The following RPAP3 variants were observed in gnomAD, a reference collection of about 807,000 sequenced individuals.
RPAP3 encodes the protein RNA polymerase II associated protein 3, also known as RNA polymerase II-associated protein 3.
In RPAP3, 58 loss-of-function variants were observed where a neutral mutation model predicts 88.8. The ratio of observed to expected loss-of-function variants is 0.65; its 90% CI spans 0.53 to 0.81. The LOEUF (loss-of-function observed/expected upper bound fraction) is 0.81. Among genes scored for constraint, RPAP3 ranks in the 40% least tolerant of loss-of-function variants. The probability of loss-of-function intolerance (pLI) is 0.00; values close to 1 mark genes in which losing one functional copy is unlikely to be tolerated. For missense variants in RPAP3, 751 were observed against 764.3 expected, an observed-to-expected ratio of 0.98 and a Z score of 0.20; for synonymous variants, 255 against 259.9, an observed-to-expected ratio of 0.98 and a Z score of 0.18.
chr12:47,685,766 A>C (rs1939310583), intron 9 of RPAP3, among the ~76,000 whole-genome samples: 1 of 152,132 alleles, frequency 6.6e-6, no homozygotes, highest in Admixed American at 6.5e-5. Flanking sequence ...TTTAACATTA[A>C]CTTGTCTGTA....
intron 12 of RPAP3, among the ~76,000 whole-genome samples, chr12:47,672,524 A>C (rs554742030): frequency 6.4e-4 from 97 of 152,378 alleles, no homozygotes; most frequent in African/African-American, 2.2e-3. Flanking sequence ...CGCAGGGATT[A>C]ACTAACTTGC....
At chr12:47,683,014 A>T (rs1939255573) in intron 9 of RPAP3, among the ~76,000 whole-genome samples, 1 of 152,184 alleles carries the variant, frequency 6.6e-6, no homozygotes, top group Non-Finnish European at 1.5e-5. Flanking sequence ...CTGCAATAAC[A>T]GCCATAATAC....
At chr12:47,666,731 C>T (rs1309404150) in intron 16 of RPAP3, among the ~76,000 whole-genome samples, 1 of 152,160 alleles carries the variant, frequency 6.6e-6, no homozygotes, top group Non-Finnish European at 1.5e-5. Flanking sequence ...GTTTCCTCCT[C>T]TGTAAAAGGA....
At chr12:47,667,148 A>G (rs1938892038) in intron 15 of RPAP3, 68 bp from the exon 16 acceptor site, 1 of 633,622 alleles carries the variant, frequency 1.6e-6, no homozygotes, top group African/African-American at 1.9e-5. Context: ...AATTCTGTTT[A>G]CTAACACAAT....
intron 10 of RPAP3, 93 bp from the exon 11 acceptor site, chr12:47,679,867 A>C: frequency 1.1e-6 from 1 of 880,342 alleles, no homozygotes; most frequent in Non-Finnish European, 1.8e-6. Flanking sequence ...GTTAGTAATC[A>C]CATTTTTAGC....
intron 12 of RPAP3, among the ~76,000 whole-genome samples, chr12:47,671,158 C>T (rs770006967): frequency 6.6e-6 from 1 of 152,006 alleles, no homozygotes; most frequent in Non-Finnish European, 1.5e-5. Flanking sequence ...ATATGTATAT[C>T]TAATAAAATA....
At chr12:47,690,804 C>A (rs1417608022) in intron 5 of RPAP3, among the ~76,000 whole-genome samples, 165 bp from the exon 6 acceptor site, 1 of 152,170 alleles carries the variant, frequency 6.6e-6, no homozygotes, top group Non-Finnish European at 1.5e-5. Flanking sequence ...AGCAATACTG[C>A]CATTGCTCAA....
At chr12:47,664,392 AAAAT>A (rs565937976) in intron 16 of RPAP3, among the ~76,000 whole-genome samples, 8 of 152,234 alleles carry the variant, frequency 5.3e-5, no homozygotes, top group African/African-American at 1.2e-4. Context: ...TCCATCTCAA[AAAAT>A]AAATAAATAA....
chr12:47,687,303 C>A (rs1939345452), intron 8 of RPAP3, among the ~76,000 whole-genome samples: 1 of 151,994 alleles, frequency 6.6e-6, no homozygotes, highest in South Asian at 2.1e-4. Flanking sequence ...GAATACAGTA[C>A]CAGAATTATA....
intron 16 of RPAP3, among the ~76,000 whole-genome samples, chr12:47,665,485 TA>T (rs1389935025): frequency 3.3e-5 from 5 of 151,518 alleles, no homozygotes; most frequent in Non-Finnish European, 7.4e-5. Flanking sequence ...AAAATAGTGG[TA>T]AAAGATGAGG....
intron 3 of RPAP3, 70 bp from the exon 4 acceptor site, chr12:47,697,789 T>A: frequency 1.5e-6 from 2 of 1,372,306 alleles, no homozygotes; most frequent in Non-Finnish European, 1.0e-6. Context: ...AAAGACATAC[T>A]AAAAAAATAC....
chr12:47,664,601 C>T (rs1938829753), intron 16 of RPAP3: 2 of 152,106 alleles, frequency 1.3e-5, no homozygotes, highest in Admixed American at 6.5e-5. Flanking sequence ...TGGTTGCATG[C>T]CAGAACCATT....
chr12:47,667,324 C>T (rs930363476), intron 15 of RPAP3, among the ~76,000 whole-genome samples: 2 of 152,144 alleles, frequency 1.3e-5, no homozygotes, highest in African/African-American at 4.8e-5. Context: ...TTTCCATACC[C>T]TACTTTTCTC....
At chr12:47,683,475 A>C (rs1304094146) in intron 9 of RPAP3, among the ~76,000 whole-genome samples, 1 of 152,220 alleles carries the variant, frequency 6.6e-6, no homozygotes, top group African/African-American at 2.4e-5. Flanking sequence ...ATGTTTAGGA[A>C]ATCATTTTAA....
chr12:47,701,646 T>C, intron 2 of RPAP3, 42 bp from the exon 3 acceptor site: 1 of 1,428,692 alleles, frequency 7.0e-7, no homozygotes, highest in Non-Finnish European at 9.3e-7. Context: ...AGTATTATGC[T>C]CTGTTACTCT....
At chr12:47,701,705 ATTT>A in intron 2 of RPAP3, 101 bp from the exon 3 acceptor site, 1 of 980,258 alleles carries the variant, frequency 1.0e-6, no homozygotes, top group Non-Finnish European at 1.4e-6. Flanking sequence ...TCTTCTAAGA[ATTT>A]TTTAATTTTA....
intron 4 of RPAP3, 104 bp from the exon 5 acceptor site, chr12:47,696,507 T>A: frequency 1.4e-6 from 1 of 701,486 alleles, no homozygotes; most frequent in Non-Finnish European, 2.1e-6. Flanking sequence ...CACTTAAATG[T>A]AGATTTTTTT....
At chr12:47,684,276 T>C (rs1180545274) in intron 9 of RPAP3, among the ~76,000 whole-genome samples, 1 of 152,182 alleles carries the variant, frequency 6.6e-6, no homozygotes, top group Non-Finnish European at 1.5e-5. Context: ...AGAAAGCACA[T>C]TCTCTAGGAA....
intron 4 of RPAP3, 144 bp from the exon 5 acceptor site, chr12:47,696,547 C>A: frequency 1.8e-6 from 1 of 541,562 alleles, no homozygotes; most frequent in Non-Finnish European, 3.1e-6. Flanking sequence ...GTGTGCCTGC[C>A]TCCCCTTCCA....
Sources: allele counts gnomAD v4.1 joint callset (sites outside exome capture counted in the v4.1 genomes callset), GRCh38; gene constraint gnomAD v4.1.1; transcripts MANE v1.5; gene names NCBI Gene and HGNC (gene_info 2026-07-23, HGNC 2026-07-21).